Variants in TTLL11 observed in about 807,000 individuals in gnomAD.
TTLL11 encodes the protein tubulin tyrosine ligase like 11.
Under a neutral mutation model 51.7 loss-of-function variants are expected in TTLL11, and 42 were observed. That is an observed-to-expected ratio of 0.81 (90% CI 0.64 to 1.05). TTLL11 has a LOEUF of 1.05. TTLL11 is among the 50% of genes least tolerant of loss of function. The pLI, the probability that TTLL11 is intolerant of heterozygous loss-of-function variation, is 0.00. For synonymous variants in TTLL11, 381 were observed against 383.5 expected, an observed-to-expected ratio of 0.99 and a Z score of 0.08; for missense variants, 799 against 940.4, an observed-to-expected ratio of 0.85 and a Z score of 1.97.
At chr9:122,088,324 G>C (rs1846180479) in intron 1 of TTLL11, among the ~76,000 whole-genome samples, 1 of 152,162 alleles carries the variant, frequency 6.6e-6, no homozygotes, top group Admixed American at 6.5e-5. Flanking sequence ...AACTGTAACT[G>C]TTTGTTTGCA....
At chr9:121,998,562 A>G (rs1843360258) in intron 3 of TTLL11, among the ~76,000 whole-genome samples, 1 of 151,902 alleles carries the variant, frequency 6.6e-6, no homozygotes, top group African/African-American at 2.4e-5. Context: ...CTGGGATTAC[A>G]GGTGTGAGGC....
rs143174456 is a variant in TTLL11, at chr9:121,915,620, C to A, written c.1482-44872G>T. 3.8e-3 allele frequency among the ~76,000 whole-genome samples: 579 copies of A among 152,132 alleles called. 4 individuals carry two copies. The highest frequency in any genetic ancestry group is 0.013 in the African/African-American group (550 of 41,482). On this transcript the variant is annotated intron_variant, in intron 6 of 8. Transcript: ENST00000321582. Reference sequence around the variant, plus strand: ...CCTGGTATTTCCCAGCTCAATATATCTTTGTTGAATAAATATGTACTGTTT... The same window carrying A: ...CCTGGTATTTCCCAGCTCAATATATATTTGTTGAATAAATATGTACTGTTT...
chr9:122,061,904 G>A (rs1845444446), intron 1 of TTLL11, among the ~76,000 whole-genome samples: 1 of 152,134 alleles, frequency 6.6e-6, no homozygotes, highest in South Asian at 2.1e-4. Context: ...CCAAAGTGCT[G>A]GGATTACAGG....
intron 8 of TTLL11, among the ~76,000 whole-genome samples, chr9:121,826,217 T>TATATACACAC (rs1491163835): frequency 3.4e-5 from 2 of 58,114 alleles, no homozygotes; most frequent in Non-Finnish European, 6.0e-5. Flanking sequence ...TATATATATA[T>TATATACACAC]GCACACATAT....
chr9:121,895,895 T>C (rs1839491858), intron 6 of TTLL11, among the ~76,000 whole-genome samples: 1 of 126,500 alleles, frequency 7.9e-6, no homozygotes, highest in Non-Finnish European at 1.6e-5. Context: ...ATTGTATCTG[T>C]GTGTGTCCCT....
At chr9:121,886,916 G>A (rs1839031532) in intron 6 of TTLL11, among the ~76,000 whole-genome samples, 1 of 152,164 alleles carries the variant, frequency 6.6e-6, no homozygotes, top group Non-Finnish European at 1.5e-5. Context: ...CAGAACCCAC[G>A]AGCCAGAAGG....
chr9:121,951,000 C>CTTCTTTCTGGG (rs1318365310), intron 6 of TTLL11, among the ~76,000 whole-genome samples: 22 of 152,180 alleles, frequency 1.4e-4, no homozygotes, highest in Non-Finnish European at 2.9e-5. Context: ...GCCACAGCCC[C>CTTCTTTCTGGG]CTGCTCCATC....
At chr9:122,004,484 G>C (rs894166947) in intron 3 of TTLL11, among the ~76,000 whole-genome samples, 5 of 151,996 alleles carry the variant, frequency 3.3e-5, no homozygotes, top group African/African-American at 1.2e-4. Context: ...CAAGTAGCTG[G>C]AATTACAGGC....
In TTLL11 at chr9:122,024,854, T is replaced by C. The variant is rs1344106695; in HGVS notation, c.693+6869A>G. On this transcript the variant is annotated intron_variant, in intron 3 of 8. Transcript: ENST00000321582. ...ACAAAAACATAGCAGAATATCTTTGTGAGCTTGGGTTAGATATAAATTCCT... is the reference window on the plus strand; with the variant it reads ...ACAAAAACATAGCAGAATATCTTTGCGAGCTTGGGTTAGATATAAATTCCT... Among the ~76,000 whole-genome samples, 5 of 152,138 alleles carry C rather than the reference T, an allele frequency of 3.3e-5. No homozygotes were observed. In the East Asian group the frequency reaches 9.6e-4, roughly 29 times the overall value.
Position 121,826,497 on chromosome 9 carries a change from G to A in TTLL11, c.1841-3618C>T, listed in dbSNP as rs1473452006. Among the ~76,000 whole-genome samples the A allele has an allele frequency of 2.3e-4, 10 of 44,238 alleles. No homozygotes were observed. The East Asian group carries it at 0.011, about 49-fold the overall frequency. The allele number at this position is 44,238 out of a possible 152,430, so 29.0% of individuals were successfully genotyped here. ...TATATATATGTATATATATATATGTGTGTGTATATATATATATGTATATAT... is the reference window on the plus strand; with the variant it reads ...TATATATATGTATATATATATATGTATGTGTATATATATATATGTATATAT... On this transcript the variant is annotated intron_variant, in intron 8 of 8. Coordinates refer to ENST00000321582, the MANE Select transcript of TTLL11 (RefSeq NM_001139442.2).
chr9:121,935,120 A>T (rs1841150418), intron 6 of TTLL11, among the ~76,000 whole-genome samples: 1 of 147,816 alleles, frequency 6.8e-6, no homozygotes, highest in African/African-American at 2.5e-5. Flanking sequence ...ATGCCCGGCT[A>T]TTTTTTTTTT....
At chr9:122,062,462 CTTTTTTTTTTTTTTT>C (rs386416145) in intron 1 of TTLL11, among the ~76,000 whole-genome samples, 1 of 77,678 alleles carries the variant, frequency 1.3e-5, no homozygotes, top group Non-Finnish European at 2.2e-5. Context: ...TTATATTATG[CTTTTTTTTTTTTTTT>C]TTTTTTTTTG....
At chr9:121,973,310 C>T (rs1184351349) in intron 6 of TTLL11, among the ~76,000 whole-genome samples, 1 of 152,180 alleles carries the variant, frequency 6.6e-6, no homozygotes, top group East Asian at 1.9e-4. Flanking sequence ...AAAGTTTATA[C>T]TGCAAGAGTG....
At chr9:122,083,596 G>A (rs1276365554) in intron 1 of TTLL11, among the ~76,000 whole-genome samples, 4 of 152,188 alleles carry the variant, frequency 2.6e-5, no homozygotes, top group African/African-American at 9.7e-5. Flanking sequence ...CAGATCACAA[G>A]GTCAGTAGTT....
intron 6 of TTLL11, among the ~76,000 whole-genome samples, chr9:121,965,122 C>T (rs1346200799): frequency 1.3e-5 from 2 of 152,174 alleles, no homozygotes; most frequent in Non-Finnish European, 2.9e-5. Context: ...CTCTGTGACC[C>T]AGACTTTTTT....
chr9:122,092,174 G>C (rs116883008), intron 1 of TTLL11, among the ~76,000 whole-genome samples: 205 of 152,292 alleles, frequency 1.3e-3, no homozygotes, highest in Non-Finnish European at 2.1e-3. Context: ...TACAGAGAAG[G>C]TAATAGGCTG....
At chr9:121,900,909 AGTGGT>A (rs1839748620) in intron 6 of TTLL11, among the ~76,000 whole-genome samples, 1 of 152,092 alleles carries the variant, frequency 6.6e-6, no homozygotes, top group African/African-American at 2.4e-5. Context: ...CCTGGACTCA[AGTGGT>A]CCTCCCGCCT....
At chr9:121,959,301 C>T (rs11999380) in intron 6 of TTLL11, among the ~76,000 whole-genome samples, 11,738 of 152,186 alleles carry the variant, frequency 0.077, 674 homozygotes, top group African/African-American at 0.16. Flanking sequence ...GGGACCAAAC[C>T]GTCCCTGTCT....
At chr9:121,940,348 T>G (rs921307450) in intron 6 of TTLL11, among the ~76,000 whole-genome samples, 18 of 151,900 alleles carry the variant, frequency 1.2e-4, no homozygotes. Flanking sequence ...TCTCTCTTTT[T>G]TTTTTTTGAG....
Sources: allele counts gnomAD v4.1 joint callset (sites outside exome capture counted in the v4.1 genomes callset), GRCh38; gene constraint gnomAD v4.1.1; transcripts MANE v1.5; gene names NCBI Gene and HGNC (gene_info 2026-07-23, HGNC 2026-07-21).